The following CES5A variants were observed in gnomAD, a reference collection of about 807,000 sequenced individuals.
CES5A encodes carboxylesterase 5.
In CES5A, 67 loss-of-function variants were observed where a neutral mutation model predicts 62.9. That is an observed-to-expected ratio of 1.07 (90% CI 0.88 to 1.31). CES5A has a LOEUF of 1.31. Among genes scored for constraint, CES5A ranks in the 50% most tolerant of loss-of-function variants. The probability of loss-of-function intolerance (pLI) is 0.00; values close to 1 mark genes in which losing one functional copy is unlikely to be tolerated. For synonymous variants in CES5A, 296 were observed against 280.8 expected (o/e 1.05, Z -0.54); for missense variants, 748 against 708.5 (o/e 1.06, Z -0.63).
rs547989063 is a variant in CES5A, at chr16:55,854,509, G to C, written c.1126-1481C>G. On this transcript the variant is annotated intron_variant, in intron 9 of 12. Transcript: ENST00000290567. ...ACATCCCTCCACCAAGGGGGCCTGA[G>C]GGATATCTGCCTGTAGTGTTTCTTT... Among the ~76,000 whole-genome samples the C allele has an allele frequency of 2.6e-4, 32 of 124,062 alleles. No individual in the cohort carries two copies. In the South Asian group the frequency reaches 8.8e-3, roughly 34 times the overall value. The allele number at this position is 124,062 out of a possible 152,430, so 81.4% of individuals were successfully genotyped here.
At chr16:55,896,097 A>G (rs1171253159) in intron 1 of CES5A, among the ~76,000 whole-genome samples, 1 of 152,190 alleles carries the variant, frequency 6.6e-6, no homozygotes, top group Admixed American at 6.5e-5. Context: ...AGCTCCACAT[A>G]GCTTAGGAGG....
rs1443544444 is a variant in CES5A, at chr16:55,865,973, A to C, written c.695T>G (p.Val232Gly). The C allele has an allele frequency of 6.2e-7, 1 of 1,614,034 alleles. No individual in the cohort carries two copies. Among genetic ancestry groups the C allele is most frequent in the Admixed American group, 1.7e-5 (1 of 59,976 alleles). ...AAGCAGAGAACTCACAAGACTAGAA[A>C]CACTTATGGCTCCCGCGGACTCGCC... ...IFGESAGAIS[V>G]SSLILSPMAK... Residue 232 changes from valine to glycine, a missense_variant, in exon 5 of 13, where the codon GTT (valine) becomes GGT (glycine). Transcript: ENST00000290567.
chr16:55,884,374 G>A (rs1307137692), intron 1 of CES5A, among the ~76,000 whole-genome samples: 1 of 152,162 alleles, frequency 6.6e-6, no homozygotes, highest in Non-Finnish European at 1.5e-5. Flanking sequence ...ACTCCTTACA[G>A]GTCAAACCCT....
At position 55,875,263 on chromosome 16, in the gene CES5A, C is replaced by A. The variant is rs927105878; in HGVS notation, c.-42G>T. ...ACTCTGTGAACATTGACGGCGGCTG[C>A]TGGCCTCAGAGAGCTTCAGTTGGGA... On this transcript the variant is annotated 5_prime_UTR_variant, in exon 1 of 13. Coordinates refer to ENST00000290567, the MANE Select transcript of CES5A (RefSeq NM_001143685.2). 6.2e-7 allele frequency: 1 copy of A among 1,603,540 alleles called. No homozygotes were observed. The highest frequency in any genetic ancestry group is 8.5e-7 in the Non-Finnish European group (1 of 1,174,728).
chr16:55,863,507 C>A, intron 5 of CES5A, 55 bp from the exon 6 acceptor site: 1 of 873,200 alleles, frequency 1.1e-6, no homozygotes. Flanking sequence ...AACACACATA[C>A]CATTCATCCC....
At chr16:55,924,581 A>G (rs1406236296) in intron 1 of CES5A, among the ~76,000 whole-genome samples, 1 of 151,992 alleles carries the variant, frequency 6.6e-6, no homozygotes, top group Non-Finnish European at 1.5e-5. Flanking sequence ...TCTGAAATGT[A>G]TATGGAATCA....
chr16:55,847,619 G>A (rs2033042590), intron 11 of CES5A, among the ~76,000 whole-genome samples: 1 of 152,018 alleles, frequency 6.6e-6, no homozygotes, highest in Non-Finnish European at 1.5e-5. Context: ...TACACATCTG[G>A]CAGGAGACTG....
At chr16:55,932,922 T>A (rs2034329729) in intron 2 of CES5A, among the ~76,000 whole-genome samples, 2 of 152,302 alleles carry the variant, frequency 1.3e-5, no homozygotes, top group South Asian at 4.1e-4. Flanking sequence ...AGGTGACTAT[T>A]CCACAAAATT....
intron 2 of CES5A, among the ~76,000 whole-genome samples, chr16:55,935,810 T>G (rs1447550182): frequency 1.3e-5 from 2 of 152,192 alleles, no homozygotes; most frequent in African/African-American, 2.4e-5. Context: ...GGCATATTCT[T>G]TCTTCCATAC....
chr16:55,920,935 T>C (rs1425112406), intron 1 of CES5A, among the ~76,000 whole-genome samples: 1 of 152,172 alleles, frequency 6.6e-6, no homozygotes, highest in Non-Finnish European at 1.5e-5. Context: ...ATTTTAAAAA[T>C]CAAACCAAAA....
At chr16:55,891,610 G>C (rs1004683240) in intron 1 of CES5A, among the ~76,000 whole-genome samples, 3 of 152,180 alleles carry the variant, frequency 2.0e-5, no homozygotes, top group African/African-American at 7.2e-5. Flanking sequence ...GCATTCTTTT[G>C]AGTTTCTGAT....
At chr16:55,942,281 T>G (rs1367014880) in intron 2 of CES5A, among the ~76,000 whole-genome samples, 1 of 152,172 alleles carries the variant, frequency 6.6e-6, no homozygotes, top group Non-Finnish European at 1.5e-5. Flanking sequence ...AAATGAATAG[T>G]AAAAAACACA....
chr16:55,883,361 T>C (rs954615204), intron 1 of CES5A, among the ~76,000 whole-genome samples: 25 of 152,320 alleles, frequency 1.6e-4, no homozygotes, highest in Non-Finnish European at 2.4e-4. Flanking sequence ...AACCTCCACC[T>C]CCTGGGTTCA....
intron 1 of CES5A, among the ~76,000 whole-genome samples, chr16:55,955,085 A>G (rs1285505130): frequency 6.6e-6 from 1 of 152,162 alleles, no homozygotes; most frequent in Non-Finnish European, 1.5e-5. Context: ...TCCTCTCTGA[A>G]TGACAGTTCT....
At chr16:55,950,500 T>C (rs1451111358) in intron 1 of CES5A, among the ~76,000 whole-genome samples, 1 of 152,056 alleles carries the variant, frequency 6.6e-6, no homozygotes, top group African/African-American at 2.4e-5. Context: ...AATATCAGAA[T>C]AGATAAAAAC....
intron 1 of CES5A, among the ~76,000 whole-genome samples, chr16:55,921,427 G>A (rs2034203337): frequency 6.6e-6 from 1 of 151,888 alleles, no homozygotes. Flanking sequence ...CTTCTCAATG[G>A]AAATCATACA....
chr16:55,848,287 T>A (rs1370206635), intron 11 of CES5A, among the ~76,000 whole-genome samples: 1 of 151,730 alleles, frequency 6.6e-6, no homozygotes, highest in Non-Finnish European at 1.5e-5. Context: ...TTTGTTATTA[T>A]TATTATTATT....
intron 3 of CES5A, among the ~76,000 whole-genome samples, chr16:55,870,391 G>T (rs1299205113): frequency 6.6e-6 from 1 of 152,060 alleles, no homozygotes; most frequent in Non-Finnish European, 1.5e-5. Flanking sequence ...GATGAAAAAT[G>T]AAGAAAGAAG....
intron 2 of CES5A, among the ~76,000 whole-genome samples, chr16:55,936,522 C>T (rs1327468150): frequency 6.6e-6 from 1 of 152,178 alleles, no homozygotes; most frequent in Admixed American, 6.5e-5. Flanking sequence ...CAAGCATACA[C>T]CGGGTTTCTC....
Sources: gnomAD v4.1 joint callset for allele counts (sites outside exome capture counted in the v4.1 genomes callset) on GRCh38, gnomAD v4.1.1 for gene constraint, MANE v1.5 for transcripts, NCBI Gene and HGNC (gene_info 2026-07-23, HGNC 2026-07-21) for gene names.